Variants in ZNF385D observed in about 807,000 individuals in gnomAD.
The protein encoded by ZNF385D is zinc finger protein 385D.
In ZNF385D, 15 loss-of-function variants were observed where a neutral mutation model predicts 35.8. That is an observed-to-expected ratio of 0.42 (90% CI 0.28 to 0.64). ZNF385D has a LOEUF of 0.64. Among genes scored for constraint, ZNF385D ranks in the 30% least tolerant of loss-of-function variants. The pLI, the probability that ZNF385D is intolerant of heterozygous loss-of-function variation, is 0.23. For synonymous variants in ZNF385D, 212 were observed against 186.8 expected (o/e 1.13, Z -1.10); for missense variants, 474 against 494.6 (o/e 0.96, Z 0.39).
intron 3 of ZNF385D, among the ~76,000 whole-genome samples, chr3:22,034,157 G>A (rs895989701): frequency 2.6e-5 from 4 of 152,144 alleles, no homozygotes; most frequent in Admixed American, 1.3e-4. Context: ...ATTCCCCAAT[G>A]TGATTGCATT....
intron 3 of ZNF385D, among the ~76,000 whole-genome samples, chr3:22,130,989 T>TA (rs199847673): frequency 0.011 from 1,608 of 151,184 alleles, 23 homozygotes; most frequent in African/African-American, 0.029. Flanking sequence ...AGATCCAGGC[T>TA]AAAAAAAAAT....
intron 2 of ZNF385D, among the ~76,000 whole-genome samples, chr3:22,332,343 G>T (rs1244457623): frequency 2.0e-5 from 3 of 152,148 alleles, no homozygotes; most frequent in Non-Finnish European, 4.4e-5. Context: ...TGGCCTCAAA[G>T]AGGGCTCTTT....
intron 2 of ZNF385D, among the ~76,000 whole-genome samples, chr3:22,342,501 A>T (rs1695472380): frequency 6.6e-6 from 1 of 151,986 alleles, no homozygotes; most frequent in Non-Finnish European, 1.5e-5. Flanking sequence ...CTACCTGAAC[A>T]ACTTATTTAG....
At chr3:22,071,713 G>A (rs1321554735) in intron 3 of ZNF385D, among the ~76,000 whole-genome samples, 2 of 152,024 alleles carry the variant, frequency 1.3e-5, no homozygotes, top group Admixed American at 6.6e-5. Context: ...TGAAGAAGAC[G>A]AAGAAGAATG....
intron 3 of ZNF385D, among the ~76,000 whole-genome samples, chr3:21,997,405 G>A (rs1487801044): frequency 6.6e-6 from 1 of 152,032 alleles, no homozygotes; most frequent in Non-Finnish European, 1.5e-5. Context: ...TGTAAATGAC[G>A]AGTTAACGGG....
intron 4 of ZNF385D, among the ~76,000 whole-genome samples, chr3:21,478,172 A>G (rs1704370390): frequency 6.6e-6 from 1 of 152,180 alleles, no homozygotes; most frequent in South Asian, 2.1e-4. Flanking sequence ...TAAATACCAA[A>G]GCAAAACCTA....
chr3:21,514,950 G>A (rs1355531911), intron 3 of ZNF385D, among the ~76,000 whole-genome samples: 1 of 152,012 alleles, frequency 6.6e-6, no homozygotes, highest in African/African-American at 2.4e-5. Flanking sequence ...TCATCCCAGA[G>A]GCAAGGGCTG....
intron 3 of ZNF385D, among the ~76,000 whole-genome samples, chr3:21,786,878 T>A (rs2071709688): frequency 6.6e-6 from 1 of 152,212 alleles, no homozygotes; most frequent in Admixed American, 6.5e-5. Flanking sequence ...TAAGCCCATG[T>A]GAAGTAGTCC....
At chr3:22,079,942 A>T (rs879657204) in intron 3 of ZNF385D, among the ~76,000 whole-genome samples, 16 of 152,050 alleles carry the variant, frequency 1.1e-4, no homozygotes, top group Admixed American at 7.2e-4. Context: ...ACATATGTAT[A>T]TAGATAGATA....
At chr3:22,151,110 C>G (rs1409422071) in intron 3 of ZNF385D, among the ~76,000 whole-genome samples, 1 of 152,140 alleles carries the variant, frequency 6.6e-6, no homozygotes, top group Non-Finnish European at 1.5e-5. Flanking sequence ...GATGTGTCTT[C>G]CCTTATGCCA....
At chr3:22,096,737 C>T (rs1701655781) in intron 3 of ZNF385D, among the ~76,000 whole-genome samples, 1 of 152,030 alleles carries the variant, frequency 6.6e-6, no homozygotes, top group Admixed American at 6.6e-5. Context: ...TTCTATGTGT[C>T]ATGGCACATG....
At chr3:22,102,351 C>G (rs1406155522) in intron 3 of ZNF385D, among the ~76,000 whole-genome samples, 3 of 151,964 alleles carry the variant, frequency 2.0e-5, no homozygotes, top group Non-Finnish European at 2.9e-5. Context: ...GAACCAAAAA[C>G]AGAGAGAAGC....
At chr3:22,335,971 C>CA (rs1695142872) in intron 2 of ZNF385D, among the ~76,000 whole-genome samples, 1 of 151,864 alleles carries the variant, frequency 6.6e-6, no homozygotes, top group African/African-American at 2.4e-5. Flanking sequence ...TCTGAATTTT[C>CA]AAAAATGTAC....
chr3:21,988,912 G>T (rs966389831), intron 3 of ZNF385D, among the ~76,000 whole-genome samples: 6 of 152,168 alleles, frequency 3.9e-5, no homozygotes, highest in Non-Finnish European at 5.9e-5. Context: ...GCAATATTCG[G>T]GTGGGAGTGA....
intron 4 of ZNF385D, among the ~76,000 whole-genome samples, chr3:21,471,293 TCTCA>T (rs1219486777): frequency 0.021 from 616 of 29,978 alleles, 4 homozygotes; most frequent in Middle Eastern, 0.036. Flanking sequence ...TCTCTCTCTC[TCTCA>T]CACACACACA....
intron 3 of ZNF385D, among the ~76,000 whole-genome samples, chr3:22,148,507 T>C (rs1705008768): frequency 6.6e-6 from 1 of 152,188 alleles, no homozygotes; most frequent in African/African-American, 2.4e-5. Context: ...TATCAAGCAA[T>C]TCCACTTGAT....
chr3:21,636,413 T>TG (rs2065450022), intron 2 of ZNF385D, among the ~76,000 whole-genome samples: 2 of 25,632 alleles, frequency 7.8e-5, no homozygotes, highest in Non-Finnish European at 1.8e-4. Flanking sequence ...TATATATATA[T>TG]AGAGTTTCTT....
At chr3:22,368,592 A>G (rs74491586) in intron 2 of ZNF385D, among the ~76,000 whole-genome samples, 4 of 152,170 alleles carry the variant, frequency 2.6e-5, no homozygotes, top group African/African-American at 9.7e-5. Flanking sequence ...AGCAGATTCA[A>G]TGACTGCGGT....
At chr3:22,048,036 A>G (rs985977999) in intron 3 of ZNF385D, among the ~76,000 whole-genome samples, 1 of 152,018 alleles carries the variant, frequency 6.6e-6, no homozygotes, top group African/African-American at 2.4e-5. Flanking sequence ...GGTCATTTCT[A>G]TGTCTTCTTT....
Sources: allele counts gnomAD v4.1 joint callset (sites outside exome capture counted in the v4.1 genomes callset), GRCh38; gene constraint gnomAD v4.1.1; transcripts MANE v1.5; gene names NCBI Gene and HGNC (gene_info 2026-07-23, HGNC 2026-07-21).